Variants in PTPRN2 observed in about 807,000 individuals in gnomAD.
PTPRN2 encodes receptor-type tyrosine-protein phosphatase N2.
PTPRN2 carries 74 observed loss-of-function variants against 118.8 expected under a neutral mutation model. The observed-to-expected ratio is 0.62, with a 90% confidence interval of 0.52 to 0.76. The LOEUF (loss-of-function observed/expected upper bound fraction) is 0.76. PTPRN2 is among the 30% of genes least tolerant of loss of function. PTPRN2 has a pLI of 0.00. For missense variants in PTPRN2, 1,481 were observed against 1,394.4 expected, an observed-to-expected ratio of 1.06 and a Z score of -0.99; for synonymous variants, 641 against 608.0, an observed-to-expected ratio of 1.05 and a Z score of -0.80.
At chr7:158,411,705 G>A (rs1022305851) in intron 2 of PTPRN2, among the ~76,000 whole-genome samples, 21 of 152,330 alleles carry the variant, frequency 1.4e-4, no homozygotes, top group Middle Eastern at 3.4e-3. Context: ...GGAAGGCGCC[G>A]CCCCGCGGCA....
At chr7:157,563,278 A>G (rs1315472803) in intron 21 of PTPRN2, among the ~76,000 whole-genome samples, 6 of 109,838 alleles carry the variant, frequency 5.5e-5, no homozygotes, top group African/African-American at 1.1e-4. Context: ...ACGTGCTCCC[A>G]CGTCACCACA....
At chr7:157,654,056 C>T (rs1329200020) in intron 14 of PTPRN2, among the ~76,000 whole-genome samples, 17 of 126,044 alleles carry the variant, frequency 1.3e-4, no homozygotes, top group African/African-American at 4.8e-4. Flanking sequence ...CAACTCCACA[C>T]GATGCCCGCC....
chr7:158,092,802 A>C (rs1305342048), intron 10 of PTPRN2, among the ~76,000 whole-genome samples: 5 of 152,178 alleles, frequency 3.3e-5, no homozygotes, highest in Non-Finnish European at 5.9e-5. Context: ...CCCTAAAGCC[A>C]GCCCCTCAGC....
At chr7:158,218,902 G>T (rs1426190093) in intron 3 of PTPRN2, among the ~76,000 whole-genome samples, 2 of 152,284 alleles carry the variant, frequency 1.3e-5, no homozygotes, top group Non-Finnish European at 1.5e-5. Flanking sequence ...AAATATTTAT[G>T]CACCCAACAT....
At chr7:158,337,470 C>A (rs1805875349) in intron 2 of PTPRN2, among the ~76,000 whole-genome samples, 1 of 150,314 alleles carries the variant, frequency 6.7e-6, no homozygotes, top group Non-Finnish European at 1.5e-5. Context: ...CCCACACTCT[C>A]ACCATAAGAG....
chr7:157,904,353 C>T lies in PTPRN2; in HGVS notation c.1724-5616G>A, dbSNP rs182727380. On this transcript the variant is annotated intron_variant, in intron 11 of 22. Coordinates refer to ENST00000389418, the MANE Select transcript of PTPRN2 (RefSeq NM_002847.5). ...GGGCTCCGCAGGCCGCTTCTCAGAG[C>T]CCATATGCTCCCGGTGTCACTGCTC... Among the ~76,000 whole-genome samples the T allele has an allele frequency of 2.6e-3, 400 of 152,320 alleles. 5 individuals carry two copies. The highest frequency in any genetic ancestry group is 5.1e-4 in the Non-Finnish European group (35 of 68,032).
Position 157,633,682 on chromosome 7 carries a change from T to TG in PTPRN2, c.2197-12174dup, listed in dbSNP as rs541999445. On this transcript the variant is annotated intron_variant, in intron 14 of 22. Transcript: ENST00000389418. ...GACCTGGGCAGGGCCTGAGTGGGGG[T>TG]GGGGTCCTACAGGGAAGGGCAGTGA... Among the ~76,000 whole-genome samples, 154 of 150,348 alleles carry TG rather than the reference T, an allele frequency of 1.0e-3. 1 individual carries two copies. The highest frequency in any genetic ancestry group is 4.5e-3 in the South Asian group (21 of 4,690).
chr7:157,700,369 C>T (rs952520775), intron 12 of PTPRN2, among the ~76,000 whole-genome samples: 21 of 152,204 alleles, frequency 1.4e-4, no homozygotes, highest in African/African-American at 5.1e-4. Context: ...ACCAGGCTCA[C>T]TTGTCCAAGC....
intron 12 of PTPRN2, among the ~76,000 whole-genome samples, chr7:157,699,135 T>A (rs1797947506): frequency 6.6e-6 from 1 of 152,238 alleles, no homozygotes; most frequent in Admixed American, 6.5e-5. Flanking sequence ...AGTAGAACAA[T>A]AATTCAGGTA....
intron 11 of PTPRN2, among the ~76,000 whole-genome samples, chr7:158,013,720 CAGCCACCCACT>C (rs1171166933): frequency 7.0e-5 from 9 of 128,256 alleles, no homozygotes; most frequent in African/African-American, 1.8e-4. Flanking sequence ...TCCATCCAGC[CAGCCACCCACT>C]CATCCACCCA....
chr7:158,255,636 A>G (rs992867243), intron 3 of PTPRN2, among the ~76,000 whole-genome samples: 6 of 152,122 alleles, frequency 3.9e-5, no homozygotes, highest in Admixed American at 3.9e-4. Context: ...TGCTTTGGAA[A>G]TGTTTTTACC....
intron 2 of PTPRN2, among the ~76,000 whole-genome samples, chr7:158,342,855 A>G (rs2151241645): frequency 6.6e-6 from 1 of 152,190 alleles, no homozygotes; most frequent in Middle Eastern, 3.4e-3. Context: ...AGGAAACCTC[A>G]TCATCGTGCT....
intron 6 of PTPRN2, among the ~76,000 whole-genome samples, chr7:158,148,454 C>T (rs1820437854): frequency 7.4e-6 from 1 of 135,126 alleles, no homozygotes; most frequent in Non-Finnish European, 1.6e-5. Flanking sequence ...CCATCTCATG[C>T]CACACGTCTT....
At chr7:158,504,746 A>G (rs1407170218) in intron 1 of PTPRN2, among the ~76,000 whole-genome samples, 3 of 152,216 alleles carry the variant, frequency 2.0e-5, no homozygotes, top group African/African-American at 4.8e-5. Flanking sequence ...CTTAATAACT[A>G]TTTCTACACA....
intron 6 of PTPRN2, among the ~76,000 whole-genome samples, chr7:158,150,780 C>G (rs576012220): frequency 6.6e-6 from 1 of 151,964 alleles, no homozygotes; most frequent in Non-Finnish European, 1.5e-5. Context: ...TGCAGCACCG[C>G]GACCCAGCAC....
At chr7:158,424,299 A>G (rs1815504335) in intron 2 of PTPRN2, among the ~76,000 whole-genome samples, 1 of 152,228 alleles carries the variant, frequency 6.6e-6, no homozygotes, top group African/African-American at 2.4e-5. Flanking sequence ...TAATGAAGCA[A>G]GGCGTCGTAT....
At chr7:157,973,702 G>A (rs1056948932) in intron 11 of PTPRN2, among the ~76,000 whole-genome samples, 2 of 152,162 alleles carry the variant, frequency 1.3e-5, no homozygotes, top group African/African-American at 4.8e-5. Context: ...AAGATGTAAA[G>A]CACTGTTGTA....
intron 5 of PTPRN2, among the ~76,000 whole-genome samples, chr7:158,167,754 T>C (rs1022824810): frequency 1.3e-5 from 2 of 152,186 alleles, no homozygotes; most frequent in Admixed American, 6.5e-5. Context: ...AATCACACCA[T>C]GTGTGGCATC....
intron 3 of PTPRN2, among the ~76,000 whole-genome samples, chr7:158,227,296 CAGG>C (rs1828858750): frequency 1.3e-5 from 2 of 151,998 alleles, no homozygotes; most frequent in African/African-American, 4.8e-5. Flanking sequence ...GCTCAGGAGC[CAGG>C]AGAAGAGAGA....
Sources: gnomAD v4.1 joint callset for allele counts (sites outside exome capture counted in the v4.1 genomes callset) on GRCh38, gnomAD v4.1.1 for gene constraint, MANE v1.5 for transcripts, NCBI Gene and HGNC (gene_info 2026-07-23, HGNC 2026-07-21) for gene names.